BCKDHB: variants seen among roughly 807,000 people sequenced by gnomAD.
BCKDHB encodes the protein 2-oxoisovalerate dehydrogenase subunit beta, mitochondrial.
Under a neutral mutation model 48.5 loss-of-function variants are expected in BCKDHB, and 41 were observed. That is an observed-to-expected ratio of 0.85 (90% confidence interval 0.66 to 1.10). The LOEUF (loss-of-function observed/expected upper bound fraction) is 1.10, where lower values mean the gene tolerates loss of function less well. Ranked by LOEUF, BCKDHB falls within the 50% of genes least tolerant of loss-of-function variation. BCKDHB has a pLI of 0.00. For synonymous variants in BCKDHB, 201 were observed against 174.8 expected (o/e 1.15, Z -1.18); for missense variants, 496 against 494.2 (o/e 1.00, Z -0.03).
intron 9 of BCKDHB, among the ~76,000 whole-genome samples, chr6:80,322,379 C>G (rs139710854): frequency 0.012 from 1,820 of 151,806 alleles, 45 homozygotes; most frequent in African/African-American, 0.041. Context: ...GCTGGGATTA[C>G]AGGCGCGCAC....
At chr6:80,434,358 A>G in the BCKDHB span, among the ~76,000 whole-genome samples, 38 of 151,566 alleles carry the variant, frequency 2.5e-4, no homozygotes, top group Admixed American at 1.8e-3. Context: ...GACTGAAATA[A>G]TACTCTACAA....
intron 9 of BCKDHB, among the ~76,000 whole-genome samples, chr6:80,341,037 T>C (rs961646767): frequency 1.1e-4 from 17 of 152,234 alleles, no homozygotes; most frequent in African/African-American, 3.9e-4. Context: ...TAAGGCTCTT[T>C]AATATACTTT....
At chr6:80,405,464 A>T in the BCKDHB span, among the ~76,000 whole-genome samples, 1 of 151,952 alleles carries the variant, frequency 6.6e-6, no homozygotes, top group African/African-American at 2.4e-5. Context: ...TATATGTTGG[A>T]TCTTGTTTTT....
At chr6:80,396,471 C>T in the BCKDHB span, among the ~76,000 whole-genome samples, 1 of 152,206 alleles carries the variant, frequency 6.6e-6, no homozygotes, top group Non-Finnish European at 1.5e-5. Flanking sequence ...TGAGTTAAGA[C>T]TTTGCAAGAC....
the BCKDHB span, among the ~76,000 whole-genome samples, chr6:80,428,100 C>T: frequency 6.6e-6 from 1 of 151,908 alleles, no homozygotes; most frequent in African/African-American, 2.4e-5. Flanking sequence ...TCAACTCCCA[C>T]TTATGAGTGA....
intron 8 of BCKDHB, among the ~76,000 whole-genome samples, chr6:80,271,305 A>G (rs1293066398): frequency 6.6e-6 from 1 of 152,108 alleles, no homozygotes; most frequent in Non-Finnish European, 1.5e-5. Flanking sequence ...ATGTTGATGC[A>G]TATTGGTCTA....
chr6:80,144,555 T>G (rs113904567), intron 3 of BCKDHB, among the ~76,000 whole-genome samples: 32 of 152,154 alleles, frequency 2.1e-4, no homozygotes, highest in African/African-American at 7.5e-4. Flanking sequence ...TCTTGGGAAC[T>G]TCCAACCTAC....
the BCKDHB span, among the ~76,000 whole-genome samples, chr6:80,447,691 A>G: frequency 5.8e-4 from 89 of 152,246 alleles, no homozygotes; most frequent in South Asian, 1.5e-3. Flanking sequence ...TTGTGTAAAT[A>G]GAATTATACA....
At chr6:80,448,280 G>A in the BCKDHB span, among the ~76,000 whole-genome samples, 1 of 152,202 alleles carries the variant, frequency 6.6e-6, no homozygotes, top group East Asian at 1.9e-4. Flanking sequence ...AAGTAAGGCA[G>A]GGACCAGATC....
At chr6:80,382,559 C>G in the BCKDHB span, among the ~76,000 whole-genome samples, 8 of 152,162 alleles carry the variant, frequency 5.3e-5, no homozygotes, top group African/African-American at 1.7e-4. Context: ...GTTCAGCATT[C>G]AACCTTTGTG....
At chr6:80,198,094 G>A (rs761915883) in intron 6 of BCKDHB, among the ~76,000 whole-genome samples, 24 of 152,144 alleles carry the variant, frequency 1.6e-4, no homozygotes, top group African/African-American at 3.6e-4. Context: ...TTCTGTAAAC[G>A]AACAGATGGT....
At chr6:80,188,696 C>T (rs1026816977) in intron 6 of BCKDHB, among the ~76,000 whole-genome samples, 2 of 152,104 alleles carry the variant, frequency 1.3e-5, no homozygotes, top group African/African-American at 4.8e-5. Flanking sequence ...GCTTACTATG[C>T]TTATTACCTG....
At chr6:80,354,140 A>G in the BCKDHB span, among the ~76,000 whole-genome samples, 11 of 152,066 alleles carry the variant, frequency 7.2e-5, no homozygotes, top group African/African-American at 9.7e-5. Flanking sequence ...CAGGTTTTCT[A>G]TTCACCCTAT....
chr6:80,245,797 C>T (rs560655603), intron 8 of BCKDHB, among the ~76,000 whole-genome samples: 34 of 152,160 alleles, frequency 2.2e-4, no homozygotes, highest in Admixed American at 6.5e-4. Flanking sequence ...AAGAGAGGGC[C>T]GGGCACGGTG....
chr6:80,180,292 A>G (rs970805703), intron 6 of BCKDHB, among the ~76,000 whole-genome samples: 1 of 152,202 alleles, frequency 6.6e-6, no homozygotes, highest in Non-Finnish European at 1.5e-5. Context: ...ATTTATTGTA[A>G]TTATGACATT....
At chr6:80,241,185 G>A (rs1776372601) in intron 8 of BCKDHB, among the ~76,000 whole-genome samples, 2 of 152,060 alleles carry the variant, frequency 1.3e-5, no homozygotes, top group African/African-American at 4.8e-5. Flanking sequence ...TCCTTGCGAT[G>A]GATTCGAACA....
the BCKDHB span, among the ~76,000 whole-genome samples, chr6:80,396,914 T>C: frequency 3.7e-4 from 56 of 152,270 alleles, 1 homozygote; most frequent in East Asian, 0.011. Context: ...TGAGAAAAGA[T>C]TAATACACTG....
chr6:80,277,384 G>T (rs1459002154), intron 9 of BCKDHB, among the ~76,000 whole-genome samples: 1 of 151,896 alleles, frequency 6.6e-6, no homozygotes, highest in Non-Finnish European at 1.5e-5. Flanking sequence ...ATTCTAGAAT[G>T]TAATGTTCAA....
At chr6:80,350,690 G>T (rs1044091792), downstream of BCKDHB, among the ~76,000 whole-genome samples, 3 of 152,094 alleles carry the variant, frequency 2.0e-5, no homozygotes, top group South Asian at 4.1e-4. Flanking sequence ...GCCCTATTTG[G>T]CTGTTGTAAG....
Sources: gnomAD v4.1 joint callset for allele counts (sites outside exome capture counted in the v4.1 genomes callset) on GRCh38, gnomAD v4.1.1 for gene constraint, MANE v1.5 for transcripts, NCBI Gene and HGNC (gene_info 2026-07-23, HGNC 2026-07-21) for gene names.